Variants in HCN1 observed in about 807,000 individuals in gnomAD.
HCN1 encodes hyperpolarization activated cyclic nucleotide gated potassium channel 1, also known as potassium/sodium hyperpolarization-activated cyclic nucleotide-gated channel 1.
HCN1 carries 13 observed loss-of-function variants against 78.9 expected under a neutral mutation model. The observed-to-expected ratio is 0.16, with a 90% CI of 0.11 to 0.26. The LOEUF is 0.26. HCN1 is among the 10% of genes least tolerant of loss of function. The pLI, the probability that HCN1 is intolerant of heterozygous loss-of-function variation, is 1.00. For synonymous variants in HCN1, 552 were observed against 455.5 expected (o/e 1.21, Z -2.70); for missense variants, 810 against 1,154.3 (o/e 0.70, Z 4.32).
chr5:45,676,161 T>C (rs1746262916), intron 1 of HCN1, among the ~76,000 whole-genome samples: 1 of 151,852 alleles, frequency 6.6e-6, no homozygotes, highest in Admixed American at 6.6e-5. Flanking sequence ...GATATCACTT[T>C]ACTTCAAATT....
chr5:45,644,200 A>T (rs1745504101), intron 2 of HCN1: 1 of 152,168 alleles, frequency 6.6e-6, no homozygotes, highest in Admixed American at 6.6e-5. Flanking sequence ...GTATTTCTGT[A>T]GGGAGGAAAG....
chr5:45,341,645 T>C (rs1370097625), intron 5 of HCN1, among the ~76,000 whole-genome samples: 2 of 152,142 alleles, frequency 1.3e-5, no homozygotes, highest in Non-Finnish European at 2.9e-5. Flanking sequence ...TAGTCTCTGT[T>C]ACTCAGGAGG....
At chr5:45,654,518 A>C (rs1435001291) in intron 1 of HCN1, among the ~76,000 whole-genome samples, 1 of 152,162 alleles carries the variant, frequency 6.6e-6, no homozygotes, top group Non-Finnish European at 1.5e-5. Context: ...AAATACTGTC[A>C]GTGGTCATGT....
chr5:45,534,253 C>T (rs960992418), intron 2 of HCN1, among the ~76,000 whole-genome samples: 8 of 150,728 alleles, frequency 5.3e-5, no homozygotes, highest in African/African-American at 9.7e-5. Flanking sequence ...AAAAAGTAGC[C>T]GGGCATGGTG....
chr5:45,332,061 G>C (rs910932210), intron 5 of HCN1, among the ~76,000 whole-genome samples: 1 of 151,344 alleles, frequency 6.6e-6, no homozygotes, highest in African/African-American at 2.4e-5. Context: ...GTTCTTTAAT[G>C]GTTCTGATTT....
intron 3 of HCN1, among the ~76,000 whole-genome samples, chr5:45,436,430 G>C (rs1200903661): frequency 6.6e-6 from 1 of 152,088 alleles, no homozygotes; most frequent in Non-Finnish European, 1.5e-5. Context: ...CTTCATATGG[G>C]AGGCTAATTC....
At chr5:45,564,498 A>C (rs1276266344) in intron 2 of HCN1, among the ~76,000 whole-genome samples, 1 of 152,076 alleles carries the variant, frequency 6.6e-6, no homozygotes, top group Non-Finnish European at 1.5e-5. Context: ...GGCCTCCCAA[A>C]GTAGGAAGCT....
In HCN1 at chr5:45,645,177, C is replaced by T. The variant is rs747245331; in HGVS notation, c.849+8G>A. 1.3e-6 allele frequency: 2 copies of T among 1,592,580 alleles called. No individual in the cohort carries two copies. Among genetic ancestry groups the T allele is most frequent in the Non-Finnish European group, 8.6e-7 (1 of 1,162,138 alleles). On this transcript the variant is annotated splice_region_variant and intron_variant, in intron 2 of 7. Coordinates refer to ENST00000303230, the MANE Select transcript of HCN1 (RefSeq NM_021072.4). ...TATAGATTTAAAAAAGAAAAAGATGCATCTTACCTCTTCCCATTGATGTAT... is the reference window on the plus strand; with the variant it reads ...TATAGATTTAAAAAAGAAAAAGATGTATCTTACCTCTTCCCATTGATGTAT...
intron 1 of HCN1, among the ~76,000 whole-genome samples, 185 bp downstream of exon 1, chr5:45,695,484 G>A (rs1739990033): frequency 6.6e-6 from 1 of 152,162 alleles, no homozygotes; most frequent in African/African-American, 2.4e-5. Context: ...CATCCTCCGA[G>A]CCCCTCCTGG....
chr5:45,283,673 A>T (rs560474096), intron 6 of HCN1, among the ~76,000 whole-genome samples: 39 of 152,288 alleles, frequency 2.6e-4, no homozygotes, highest in African/African-American at 9.4e-4. Flanking sequence ...AGAAAAGGAA[A>T]CACTTATACA....
chr5:45,536,972 TA>T (rs1428714727), intron 2 of HCN1, among the ~76,000 whole-genome samples: 3 of 152,198 alleles, frequency 2.0e-5, no homozygotes, highest in Non-Finnish European at 4.4e-5. Flanking sequence ...CCAGCATGCA[TA>T]ATTTCTAGGT....
intron 3 of HCN1, among the ~76,000 whole-genome samples, chr5:45,427,606 A>G (rs775169810): frequency 3.3e-5 from 5 of 152,148 alleles, no homozygotes; most frequent in African/African-American, 4.8e-5. Flanking sequence ...TTTTGACAAC[A>G]TAATTTTTGG....
At chr5:45,583,110 C>T (rs979219422) in intron 2 of HCN1, among the ~76,000 whole-genome samples, 2 of 152,076 alleles carry the variant, frequency 1.3e-5, no homozygotes, top group Non-Finnish European at 2.9e-5. Flanking sequence ...GTACCAGCTC[C>T]TCCTTGTACC....
chr5:45,546,158 A>G (rs1743221511), intron 2 of HCN1, among the ~76,000 whole-genome samples: 1 of 152,006 alleles, frequency 6.6e-6, no homozygotes, highest in African/African-American at 2.4e-5. Flanking sequence ...ACAAGTCTAC[A>G]AATAAATGCA....
intron 3 of HCN1, among the ~76,000 whole-genome samples, chr5:45,431,426 T>C (rs992517359): frequency 6.6e-6 from 1 of 152,192 alleles, no homozygotes; most frequent in Non-Finnish European, 1.5e-5. Context: ...GTGCAGAAAC[T>C]CTTGAGCTTA....
chr5:45,670,608 A>G (rs1320996126), intron 1 of HCN1, among the ~76,000 whole-genome samples: 2 of 151,726 alleles, frequency 1.3e-5, no homozygotes, highest in Non-Finnish European at 3.0e-5. Context: ...TTTTAATCTA[A>G]CGAAGTCTCA....
intron 6 of HCN1, among the ~76,000 whole-genome samples, chr5:45,289,705 G>T (rs574775047): frequency 6.6e-6 from 1 of 151,976 alleles, no homozygotes; most frequent in Non-Finnish European, 1.5e-5. Flanking sequence ...GATGTCAAAG[G>T]AATCTTCTTA....
chr5:45,460,505 G>A lies in HCN1; in HGVS notation c.1011+1341C>T, dbSNP rs190087284. ...ACCACTGGAAATACAGGACAGAAGA[G>A]AACAGACATTACATTCTGGTGTGGG... On this transcript the variant is annotated intron_variant, in intron 3 of 7. Coordinates refer to ENST00000303230, the MANE Select transcript of HCN1 (RefSeq NM_021072.4). Among the ~76,000 whole-genome samples, 189 of 152,084 alleles carry A rather than the reference G, an allele frequency of 1.2e-3. 1 individual carries two copies. The highest frequency in any genetic ancestry group is 4.4e-3 in the African/African-American group (182 of 41,498).
chr5:45,443,426 G>T (rs1740722510), intron 3 of HCN1, among the ~76,000 whole-genome samples: 1 of 152,088 alleles, frequency 6.6e-6, no homozygotes, highest in African/African-American at 2.4e-5. Flanking sequence ...CAGGTGTTTG[G>T]TTGGTTGTTT....
Sources: gnomAD v4.1 joint callset for allele counts (sites outside exome capture counted in the v4.1 genomes callset) on GRCh38, gnomAD v4.1.1 for gene constraint, MANE v1.5 for transcripts, NCBI Gene and HGNC (gene_info 2026-07-23, HGNC 2026-07-21) for gene names.